Variants in MYCBP2 observed in about 807,000 individuals in gnomAD.
MYCBP2 encodes the protein MYC binding protein 2, also known as E3 ubiquitin-protein ligase MYCBP2.
MYCBP2 carries 120 observed loss-of-function variants against 525.3 expected under a neutral mutation model. That is an observed-to-expected ratio of 0.23 (90% CI 0.20 to 0.27). The LOEUF (loss-of-function observed/expected upper bound fraction) is 0.27, where lower values mean the gene tolerates loss of function less well. MYCBP2 is among the 10% of genes least tolerant of loss of function. The probability of loss-of-function intolerance (pLI) is 1.00; values close to 1 mark genes in which losing one functional copy is unlikely to be tolerated. For synonymous variants in MYCBP2, 1,894 were observed against 1,955.8 expected, an observed-to-expected ratio of 0.97 and a Z score of 0.83; for missense variants, 4,149 against 5,657.1, an observed-to-expected ratio of 0.73 and a Z score of 8.55.
intron 36 of MYCBP2, among the ~76,000 whole-genome samples, chr13:77,174,910 T>TATTATATATATTTTAAATATA (rs1555383636): frequency 1.2e-5 from 1 of 84,258 alleles, no homozygotes; most frequent in African/African-American, 7.0e-5. Context: ...TATATATATA[T>TATTATATATATTTTAAATATA]AATATATATT....
chr13:77,061,123 T>G lies in MYCBP2; in HGVS notation c.13036+46A>C, dbSNP rs200311408. 204 of 1,559,716 alleles carry G rather than the reference T, an allele frequency of 1.3e-4. 1 individual carries two copies. Among genetic ancestry groups the G allele is most frequent in the Middle Eastern group, 3.4e-4 (2 of 5,810 alleles). Reference sequence around the variant, plus strand: ...TTAATCAGTTGGCACGGTTTAATCTTTTTTTGTGGGTTTTAAAGGCATGGC... The same window carrying G: ...TTAATCAGTTGGCACGGTTTAATCTGTTTTTGTGGGTTTTAAAGGCATGGC... On this transcript the variant is annotated intron_variant, in intron 76 of 82. Coordinates refer to ENST00000544440, the MANE Select transcript of MYCBP2 (RefSeq NM_015057.5).
chr13:77,076,619 T>C, intron 68 of MYCBP2, 132 bp downstream of exon 68: 1 of 571,384 alleles, frequency 1.8e-6, no homozygotes, highest in East Asian at 3.0e-5. Context: ...TCCTTCATCT[T>C]TCTAAGAACA....
At chr13:77,122,978 T>C (rs1214051525) in intron 54 of MYCBP2, among the ~76,000 whole-genome samples, 1 of 152,196 alleles carries the variant, frequency 6.6e-6, no homozygotes, top group Non-Finnish European at 1.5e-5. Context: ...GCTTCCTCTC[T>C]AGACTAAGAA....
chr13:77,141,628 G>A (rs1410631512), intron 49 of MYCBP2, among the ~76,000 whole-genome samples: 1 of 151,774 alleles, frequency 6.6e-6, no homozygotes, highest in Non-Finnish European at 1.5e-5. Context: ...AAAATTAGCC[G>A]GGCCTGGTGG....
intron 3 of MYCBP2, among the ~76,000 whole-genome samples, chr13:77,284,819 T>C (rs2076567423): frequency 6.6e-6 from 1 of 152,188 alleles, no homozygotes; most frequent in African/African-American, 2.4e-5. Context: ...ATTTAAATTG[T>C]CACTACAACC....
chr13:77,097,347 G>T (rs776774714), intron 56 of MYCBP2, 23 bp downstream of exon 56: 37 of 1,567,132 alleles, frequency 2.4e-5, no homozygotes, highest in Non-Finnish European at 3.0e-5. Context: ...GCACTTATAC[G>T]TACATTCAAC....
At chr13:77,166,925 T>C (rs1002369745) in intron 40 of MYCBP2, among the ~76,000 whole-genome samples, 11 of 148,874 alleles carry the variant, frequency 7.4e-5, no homozygotes, top group African/African-American at 2.7e-4. Context: ...TTAAACACAG[T>C]AATTTGACAT....
chr13:77,287,940 G>T (rs115900776), intron 3 of MYCBP2, among the ~76,000 whole-genome samples: 158 of 152,146 alleles, frequency 1.0e-3, no homozygotes, highest in Non-Finnish European at 1.7e-3. Flanking sequence ...CCCTTCCTGC[G>T]CTTTCCAGTG....
chr13:77,114,215 T>C (rs1258486282), intron 55 of MYCBP2, among the ~76,000 whole-genome samples: 1 of 152,130 alleles, frequency 6.6e-6, no homozygotes, highest in African/African-American at 2.4e-5. Flanking sequence ...GAAAGCTCAT[T>C]TGTCCCTTTC....
intron 30 of MYCBP2, among the ~76,000 whole-genome samples, chr13:77,187,623 G>A (rs2060848257): frequency 6.6e-6 from 1 of 152,168 alleles, no homozygotes; most frequent in African/African-American, 2.4e-5. Context: ...TGCCAGGGAA[G>A]GATGTCCATG....
intron 23 of MYCBP2, 122 bp downstream of exon 23, chr13:77,211,045 G>T: frequency 1.5e-6 from 1 of 664,238 alleles, no homozygotes; most frequent in Non-Finnish European, 2.2e-6. Context: ...CAGAATTGCA[G>T]TTATTAGATA....
intron 82 of MYCBP2, among the ~76,000 whole-genome samples, chr13:77,047,364 G>A (rs1327064050): frequency 1.3e-5 from 2 of 152,128 alleles, no homozygotes; most frequent in African/African-American, 4.8e-5. Context: ...AACTCATGGG[G>A]TGCTGTGAAG....
chr13:77,197,972 C>T (rs1279054562), intron 26 of MYCBP2, among the ~76,000 whole-genome samples: 2 of 152,016 alleles, frequency 1.3e-5, no homozygotes, highest in Non-Finnish European at 2.9e-5. Context: ...CTATATACTA[C>T]AGTGTTTGAA....
chr13:77,141,725 C>T (rs931725955), intron 49 of MYCBP2, among the ~76,000 whole-genome samples: 4 of 147,696 alleles, frequency 2.7e-5, no homozygotes, highest in South Asian at 2.1e-4. Context: ...GGGCAGGGAT[C>T]GCGCCACTGC....
intron 61 of MYCBP2, among the ~76,000 whole-genome samples, chr13:77,088,362 G>A (rs1392217212): frequency 6.6e-6 from 1 of 151,898 alleles, no homozygotes; most frequent in Non-Finnish European, 1.5e-5. Flanking sequence ...CCATGAAGTG[G>A]TAGGTTATTT....
At chr13:77,184,288 T>C (rs2060528130) in intron 32 of MYCBP2, among the ~76,000 whole-genome samples, 1 of 152,250 alleles carries the variant, frequency 6.6e-6, no homozygotes, top group South Asian at 2.1e-4. Flanking sequence ...TGTTTGGTGC[T>C]TTTTCTGGAT....
intron 26 of MYCBP2, among the ~76,000 whole-genome samples, chr13:77,204,735 C>A (rs1421697044): frequency 7.8e-6 from 1 of 127,398 alleles, no homozygotes; most frequent in Non-Finnish European, 1.7e-5. Context: ...ATGATGAGTT[C>A]ATGTCCTTTG....
chr13:77,119,415 G>A (rs944542533), intron 55 of MYCBP2, among the ~76,000 whole-genome samples: 2 of 151,884 alleles, frequency 1.3e-5, no homozygotes. Context: ...GTACCTACAC[G>A]GGATAGATTT....
rs537352248 is a variant in MYCBP2, at chr13:77,285,363, C to T, written c.594+2798G>A. ...AAATTATACAAGTCCTCCAGCCCTA[C>T]GTCCTAACTCAACTATGTTTTTTAT... On this transcript the variant is annotated intron_variant, in intron 3 of 82. Coordinates refer to ENST00000544440, the MANE Select transcript of MYCBP2 (RefSeq NM_015057.5). Among the ~76,000 whole-genome samples, 11 of 152,322 alleles carry T rather than the reference C, an allele frequency of 7.2e-5. No homozygotes were observed. In the South Asian group the frequency reaches 1.9e-3, roughly 26 times the overall value.
Sources: gnomAD v4.1 joint callset for allele counts (sites outside exome capture counted in the v4.1 genomes callset) on GRCh38, gnomAD v4.1.1 for gene constraint, MANE v1.5 for transcripts, NCBI Gene and HGNC (gene_info 2026-07-23, HGNC 2026-07-21) for gene names.